The following DIP2B variants were observed in gnomAD, a reference collection of about 807,000 sequenced individuals.
DIP2B encodes DIP2 acetate--CoA ligase B (putative).
DIP2B carries 76 observed loss-of-function variants against 198.0 expected under a neutral mutation model. That is an observed-to-expected ratio of 0.38 (90% CI 0.32 to 0.46). The LOEUF is 0.46. Among genes scored for constraint, DIP2B ranks in the 20% least tolerant of loss-of-function variants. The probability of loss-of-function intolerance (pLI) is 0.99; values close to 1 mark genes in which losing one functional copy is unlikely to be tolerated. For missense variants in DIP2B, 1,559 were observed against 1,978.4 expected, an observed-to-expected ratio of 0.79 and a Z score of 4.02; for synonymous variants, 701 against 739.1, an observed-to-expected ratio of 0.95 and a Z score of 0.84.
At chr12:50,718,332 G>A (rs1320698992) in intron 23 of DIP2B, among the ~76,000 whole-genome samples, 1 of 152,174 alleles carries the variant, frequency 6.6e-6, no homozygotes. Context: ...GATTGGAGAA[G>A]ATTAAAATAT....
At chr12:50,707,388 A>G (rs1939532375) in intron 21 of DIP2B, among the ~76,000 whole-genome samples, 1 of 152,202 alleles carries the variant, frequency 6.6e-6, no homozygotes, top group Non-Finnish European at 1.5e-5. Flanking sequence ...CTTTGGTCAC[A>G]GTCATATCCC....
intron 19 of DIP2B, among the ~76,000 whole-genome samples, chr12:50,702,579 C>T (rs1019619865): frequency 2.0e-5 from 3 of 151,424 alleles, no homozygotes; most frequent in Admixed American, 6.6e-5. Context: ...AAAAATTATC[C>T]GGGTGCTGTG....
At chr12:50,518,397 G>A (rs1958085280) in intron 1 of DIP2B, among the ~76,000 whole-genome samples, 1 of 151,954 alleles carries the variant, frequency 6.6e-6, no homozygotes, top group Admixed American at 6.6e-5. Context: ...GCTAATTTTT[G>A]TATTTTAGTA....
At chr12:50,622,803 G>T (rs192357808) in intron 1 of DIP2B, among the ~76,000 whole-genome samples, 64 of 152,212 alleles carry the variant, frequency 4.2e-4, no homozygotes, top group African/African-American at 1.5e-3. Context: ...GCAGAGACAG[G>T]GTTTCACCAT....
chr12:50,698,373 A>C lies in DIP2B; in HGVS notation c.2094A>C (p.Ser698=). 1 of 1,613,912 alleles carries C rather than the reference A, an allele frequency of 6.2e-7. No homozygotes were observed. The highest frequency in any genetic ancestry group is 8.5e-7 in the Non-Finnish European group (1 of 1,179,904). Residue 698 remains serine (S), a synonymous_variant, in exon 18 of 38, where the codon TCA becomes TCC. Coordinates refer to ENST00000301180, the MANE Select transcript of DIP2B (RefSeq NM_173602.3). ...GAPLPGRAIL[S]MNGLSYGVIR... ...CTTTGCCAGGAAGAGCCATTCTCTC[A>C]ATGAATGGATTGAGCTATGGGGTAA...
intron 1 of DIP2B, among the ~76,000 whole-genome samples, chr12:50,593,702 T>TCTCCC (rs1565836980): frequency 4.1e-4 from 23 of 56,528 alleles, no homozygotes; most frequent in African/African-American, 1.5e-3. Flanking sequence ...TCTCCTCTCC[T>TCTCCC]CTCCCCTCCT....
intron 22 of DIP2B, among the ~76,000 whole-genome samples, chr12:50,709,897 G>T (rs1015157810): frequency 2.0e-5 from 3 of 152,080 alleles, no homozygotes; most frequent in Non-Finnish European, 4.4e-5. Context: ...AGGATCGCTT[G>T]AGCCAGTGCT....
At chr12:50,506,316 A>C (rs929725859) in intron 1 of DIP2B, among the ~76,000 whole-genome samples, 1 of 152,200 alleles carries the variant, frequency 6.6e-6, no homozygotes, top group Non-Finnish European at 1.5e-5. Context: ...AAGTGGATCA[A>C]AAACTCTTGA....
At chr12:50,737,183 A>C in intron 35 of DIP2B, 73 bp downstream of exon 35, 1 of 1,402,644 alleles carries the variant, frequency 7.1e-7, no homozygotes, top group Non-Finnish European at 1.0e-6. Context: ...TTTAGAAATC[A>C]GTAAAACTGT....
intron 3 of DIP2B, among the ~76,000 whole-genome samples, chr12:50,657,283 T>C (rs1938571682): frequency 7.1e-6 from 1 of 140,660 alleles, no homozygotes; most frequent in Non-Finnish European, 1.5e-5. Context: ...ATGCTAAAAC[T>C]AGTGAGTTGA....
In DIP2B at chr12:50,537,114, A is replaced by ATTTTTTTTTTTTTTTTTTTTTTTT. The variant is rs34202995; in HGVS notation, c.100+31878_100+31901dup. ...CAGATTGCTTGTTTATTATTCTCTA[A>ATTTTTTTTTTTTTTTTTTTTTTTT]TTTTTTTTTTTTTTTTTTTTTTTTT... On this transcript the variant is annotated intron_variant, in intron 1 of 37. Transcript: ENST00000301180. Among the ~76,000 whole-genome samples, 54 of 32,226 alleles carry ATTTTTTTTTTTTTTTTTTTTTTTT rather than the reference A, an allele frequency of 1.7e-3. 17 individuals carry two copies. The East Asian group carries it at 0.017, about 10-fold the overall frequency. 21.1% of individuals were successfully genotyped at this position (32,226 alleles called of 152,430 possible). A position where few individuals can be genotyped will look rare whatever the true frequency, so the allele number is the denominator to read the frequency against.
intron 1 of DIP2B, among the ~76,000 whole-genome samples, chr12:50,547,832 G>T (rs1215113088): frequency 6.6e-6 from 1 of 152,168 alleles, no homozygotes; most frequent in African/African-American, 2.4e-5. Context: ...ACTTTGGAAG[G>T]CTGAGGCAGG....
chr12:50,645,604 C>G (rs1938336255), intron 3 of DIP2B, among the ~76,000 whole-genome samples: 1 of 151,910 alleles, frequency 6.6e-6, no homozygotes, highest in Non-Finnish European at 1.5e-5. Flanking sequence ...AGTACAGGCA[C>G]ATGCTACTGT....
chr12:50,518,781 G>A (rs1958089428), intron 1 of DIP2B, among the ~76,000 whole-genome samples: 2 of 152,080 alleles, frequency 1.3e-5, no homozygotes, highest in African/African-American at 4.8e-5. Flanking sequence ...TTGAGACAAG[G>A]TCTTGGTCTG....
chr12:50,741,642 T>C lies in DIP2B; in HGVS notation c.4478+103T>C, dbSNP rs946343704. 9.9e-6 allele frequency: 14 copies of C among 1,421,308 alleles called. No individual in the cohort carries two copies. In the East Asian group the frequency reaches 1.9e-4, roughly 19 times the overall value. 88.0% of individuals were successfully genotyped at this position (1,421,308 alleles called of 1,614,324 possible). A position where few individuals can be genotyped will look rare whatever the true frequency, so the allele number is the denominator to read the frequency against. On this transcript the variant is annotated intron_variant, in intron 37 of 37. Coordinates refer to ENST00000301180, the MANE Select transcript of DIP2B (RefSeq NM_173602.3). ...GGGACCACATACCTACCTTGAAACATAGAGCTCCATGGGAGGAGTAAGGAA... is the reference window on the plus strand; with the variant it reads ...GGGACCACATACCTACCTTGAAACACAGAGCTCCATGGGAGGAGTAAGGAA...
chr12:50,524,620 G>A (rs1958146916), intron 1 of DIP2B, among the ~76,000 whole-genome samples: 1 of 152,026 alleles, frequency 6.6e-6, no homozygotes, highest in Non-Finnish European at 1.5e-5. Context: ...TGCCTACTAT[G>A]TGCCACATAG....
At chr12:50,656,165 TAGAAAC>T (rs1158098109) in intron 3 of DIP2B, among the ~76,000 whole-genome samples, 2 of 152,112 alleles carry the variant, frequency 1.3e-5, no homozygotes, top group South Asian at 2.1e-4. Context: ...TAAATATAGT[TAGAAAC>T]AGATGTAGTT....
Position 50,645,932 on chromosome 12 carries a change from T to G in DIP2B, c.301+5080T>G, listed in dbSNP as rs117321551. On this transcript the variant is annotated intron_variant, in intron 3 of 37. Coordinates refer to ENST00000301180, the MANE Select transcript of DIP2B (RefSeq NM_173602.3). The stretch of plus-strand genomic sequence containing the variant: ...ACCTGGAAAAATATATACCAAACTA[T>G]TGAGGCAGGAGTATTTTTGGGAAAT... Among the ~76,000 whole-genome samples, 4 of 152,150 alleles carry G rather than the reference T, an allele frequency of 2.6e-5. No homozygotes were observed. The East Asian group carries it at 7.7e-4, about 29-fold the overall frequency.
In DIP2B at chr12:50,525,356, TCA is replaced by T. The variant is rs1491337968; in HGVS notation, c.100+20117_100+20118del. The stretch of plus-strand genomic sequence containing the variant: ...CTGGGCGACAGAGCGAGACTCCATC[TCA>T]AAAAAAAAAAAAAAAAATACAGAGA... On this transcript the variant is annotated intron_variant, in intron 1 of 37. Coordinates refer to ENST00000301180, the MANE Select transcript of DIP2B (RefSeq NM_173602.3). Among the ~76,000 whole-genome samples, 63 of 12,102 alleles carry T rather than the reference TCA, an allele frequency of 5.2e-3. No individual in the cohort carries two copies. The East Asian group carries it at 0.079, about 15-fold the overall frequency. 7.9% of individuals were successfully genotyped at this position (12,102 alleles called of 152,430 possible).
Sources: gnomAD v4.1 joint callset for allele counts (sites outside exome capture counted in the v4.1 genomes callset) on GRCh38, gnomAD v4.1.1 for gene constraint, MANE v1.5 for transcripts, NCBI Gene and HGNC (gene_info 2026-07-23, HGNC 2026-07-21) for gene names.